LSP1: variants seen among roughly 807,000 people sequenced by gnomAD.
LSP1 encodes lymphocyte specific protein 1, also known as lymphocyte-specific protein 1.
Under a neutral mutation model 49.3 loss-of-function variants are expected in LSP1, and 32 were observed. The observed-to-expected ratio is 0.65, with a 90% CI of 0.49 to 0.87. The LOEUF (loss-of-function observed/expected upper bound fraction) is 0.87, where lower values mean the gene tolerates loss of function less well. Ranked by LOEUF, LSP1 falls within the 40% of genes least tolerant of loss-of-function variation. The pLI, the probability that LSP1 is intolerant of heterozygous loss-of-function variation, is 0.00. For synonymous variants in LSP1, 179 were observed against 178.8 expected (o/e 1.00, Z -0.01); for missense variants, 428 against 442.6 (o/e 0.97, Z 0.30).
At chr11:1,875,917 C>T (rs1198404227) in intron 1 of LSP1, among the ~76,000 whole-genome samples, 2 of 152,230 alleles carry the variant, frequency 1.3e-5, no homozygotes, top group African/African-American at 4.8e-5. Context: ...TGACAGCTGG[C>T]CTGTGCCACA....
chr11:1,869,572 G>A (rs1178813205), intron 1 of LSP1: 2 of 460,578 alleles, frequency 4.3e-6, no homozygotes, highest in Admixed American at 2.4e-5. Context: ...CCAGGTGTGG[G>A]AGGAGGGGTC....
chr11:1,871,807 G>A (rs571655614), intron 1 of LSP1, among the ~76,000 whole-genome samples: 24 of 149,284 alleles, frequency 1.6e-4, no homozygotes, highest in Non-Finnish European at 2.5e-4. Context: ...GGGTCTGTCC[G>A]GCTGGCGTGG....
intron 1 of LSP1, 26 bp from the exon 2 acceptor site, chr11:1,880,061 G>C: frequency 6.2e-7 from 1 of 1,605,554 alleles, no homozygotes; most frequent in African/African-American, 1.3e-5. Flanking sequence ...GCTGTGGCGT[G>C]ACTGTCCCTC....
intron 1 of LSP1, chr11:1,866,541 G>C (rs747621569): frequency 9.9e-5 from 153 of 1,540,198 alleles, no homozygotes; most frequent in Admixed American, 3.8e-4. Flanking sequence ...ACCAGCACCA[G>C]GATCTGCAGT....
chr11:1,869,633 C>T (rs969368984), intron 1 of LSP1: 32 of 470,600 alleles, frequency 6.8e-5, no homozygotes, highest in South Asian at 3.4e-4. Context: ...GGCTCAGAGC[C>T]GCTGTCTCAC....
chr11:1,880,315 G>A, intron 2 of LSP1, 91 bp downstream of exon 2: 1 of 1,393,734 alleles, frequency 7.2e-7, no homozygotes, highest in Non-Finnish European at 9.4e-7. Context: ...GCCTGGGCTT[G>A]GGGGTTCCAG....
At chr11:1,860,187 G>C (rs1407103631) in intron 1 of LSP1, among the ~76,000 whole-genome samples, 1 of 152,196 alleles carries the variant, frequency 6.6e-6, no homozygotes, top group East Asian at 1.9e-4. Flanking sequence ...ATCAATTATG[G>C]AGAACAGTAT....
Position 1,870,832 on chromosome 11 carries a change from CG to C in LSP1, c.54-9254del, listed in dbSNP as rs1217162465. On this transcript the variant is annotated intron_variant, in intron 1 of 10. Coordinates refer to ENST00000311604, the MANE Select transcript of LSP1 (RefSeq NM_002339.3). ...TCGAGCCGTTGCCAGGGACTGGTTG[CG>C]TGTCCCAGAACGTGCCAAAAGCCTG... 5 of 987,410 alleles carry C rather than the reference CG, an allele frequency of 5.1e-6. No homozygotes were observed. In the East Asian group the frequency reaches 5.6e-4, roughly 111 times the overall value. The allele number at this position is 987,410 out of a possible 1,614,324, so 61.2% of individuals were successfully genotyped here. A position where few individuals can be genotyped will look rare whatever the true frequency, so the allele number is the denominator to read the frequency against.
intron 1 of LSP1, among the ~76,000 whole-genome samples, chr11:1,878,578 GC>G (rs1848409088): frequency 6.6e-6 from 1 of 152,126 alleles, no homozygotes; most frequent in Non-Finnish European, 1.5e-5. Flanking sequence ...CTGTGGAAGG[GC>G]CTGGCTTTTG....
chr11:1,890,726 G>A, intron 10 of LSP1: 1 of 605,964 alleles, frequency 1.7e-6, no homozygotes, highest in Non-Finnish European at 2.9e-6. Context: ...TGAGCACCCA[G>A]AACCTGCCAG....
At position 1,887,484 on chromosome 11, in the gene LSP1, C is replaced by A; in HGVS notation, c.941C>A (p.Ser314Tyr). Residue 314 changes from serine (S) to tyrosine (Y), a missense_variant, in exon 10 of 11, where the codon TCT becomes TAT. Physicochemically the swap from Ser to Tyr is moderately radical, Grantham distance 144. Transcript: ENST00000311604. ...KTSSTIKSTP[S>Y]GKRYKFVATG... is the part of the protein sequence containing the mutation. ...CTCCTTTCCCAACAGAGCACCCCAT[C>A]TGGGAAGAGGTATAAGTTTGTGGCC... 1 of 1,613,916 alleles carries A rather than the reference C, an allele frequency of 6.2e-7. No individual in the cohort carries two copies. Among genetic ancestry groups the A allele is most frequent in the African/African-American group, 1.3e-5 (1 of 75,018 alleles).
At chr11:1,857,154 C>T (rs1406200686) in intron 1 of LSP1, among the ~76,000 whole-genome samples, 9 of 152,212 alleles carry the variant, frequency 5.9e-5, no homozygotes, top group Admixed American at 2.6e-4. Flanking sequence ...TGCTGTCCAC[C>T]GACACCCAGC....
Position 1,874,043 on chromosome 11 carries a change from G to A in LSP1, c.54-6044G>A, listed in dbSNP as rs541514429. On this transcript the variant is annotated intron_variant, in intron 1 of 10. Coordinates refer to ENST00000311604, the MANE Select transcript of LSP1 (RefSeq NM_002339.3). ...GCAGAGGAGGGAGGCCGGCAGAGGAGGGAGGCTGGCAGAGCAGGGAGGCCG... is the reference window on the plus strand; with the variant it reads ...GCAGAGGAGGGAGGCCGGCAGAGGAAGGAGGCTGGCAGAGCAGGGAGGCCG... 9.6e-3 allele frequency among the ~76,000 whole-genome samples: 1,163 copies of A among 120,676 alleles called. 24 individuals are homozygous for A. Among genetic ancestry groups the A allele is most frequent in the Middle Eastern group, 0.021 (4 of 192 alleles). 79.2% of individuals were successfully genotyped at this position (120,676 alleles called of 152,430 possible).
intron 1 of LSP1, chr11:1,863,280 G>A (rs1039593947): frequency 3.9e-5 from 6 of 152,306 alleles, no homozygotes; most frequent in African/African-American, 1.4e-4. Context: ...GTGTTCCCAA[G>A]GTGCTGCGCA....
intron 1 of LSP1, among the ~76,000 whole-genome samples, chr11:1,873,888 CAGGGAGCCCGGCAGAGG>C (rs1848162673): frequency 5.4e-5 from 2 of 37,340 alleles, no homozygotes; most frequent in Non-Finnish European, 1.1e-4. Context: ...GCTGGCAGAG[CAGGGAGCCCGGCAGAGG>C]AGGGAGGCCG....
chr11:1,854,040 C>A (rs991000962), intron 1 of LSP1, among the ~76,000 whole-genome samples: 7 of 152,150 alleles, frequency 4.6e-5, no homozygotes, highest in Non-Finnish European at 7.4e-5. Flanking sequence ...CCAGGGGAAC[C>A]CGAGTTGCCC....
At chr11:1,889,285 G>T in intron 10 of LSP1, 1 of 697,302 alleles carries the variant, frequency 1.4e-6, no homozygotes, top group Non-Finnish European at 2.7e-6. Context: ...TACAGGAAGG[G>T]CAGGCGGGTG....
intron 1 of LSP1, chr11:1,870,261 C>T (rs1295434585): frequency 2.8e-5 from 36 of 1,303,268 alleles, no homozygotes; most frequent in Non-Finnish European, 3.6e-5. Flanking sequence ...ATTTTGCAAA[C>T]AGGAAAGCTG....
intron 1 of LSP1, among the ~76,000 whole-genome samples, chr11:1,860,375 G>A (rs1309343491): frequency 6.6e-6 from 1 of 151,984 alleles, no homozygotes; most frequent in African/African-American, 2.4e-5. Context: ...GTGAATGGAT[G>A]GGCAGATGGA....
Sources: allele counts gnomAD v4.1 joint callset (sites outside exome capture counted in the v4.1 genomes callset), GRCh38; gene constraint gnomAD v4.1.1; transcripts MANE v1.5; gene names NCBI Gene and HGNC (gene_info 2026-07-23, HGNC 2026-07-21).